The following ABCC4 variants were observed in gnomAD, a reference collection of about 807,000 sequenced individuals.
ABCC4 encodes the protein ATP binding cassette subfamily C member 4 (PEL blood group), also known as ATP-binding cassette sub-family C member 4.
A neutral mutation model predicts 168.5 loss-of-function variants in ABCC4; 102 were observed. That is an observed-to-expected ratio of 0.61 (90% CI 0.52 to 0.71). The LOEUF (loss-of-function observed/expected upper bound fraction) is 0.71. Ranked by LOEUF, ABCC4 falls within the 30% of genes least tolerant of loss-of-function variation. The probability of loss-of-function intolerance (pLI) is 0.00; values close to 1 mark genes in which losing one functional copy is unlikely to be tolerated. For synonymous variants in ABCC4, 617 were observed against 590.7 expected, an observed-to-expected ratio of 1.04 and a Z score of -0.65; for missense variants, 1,402 against 1,605.8, an observed-to-expected ratio of 0.87 and a Z score of 2.17.
chr13:95,216,003 A>G (rs960080861), intron 4 of ABCC4, among the ~76,000 whole-genome samples: 3 of 152,216 alleles, frequency 2.0e-5, no homozygotes, highest in Non-Finnish European at 2.9e-5. Context: ...CTCAGCAGCT[A>G]CCAGAATATA....
chr13:95,132,043 A>G (rs1337906787), intron 19 of ABCC4, among the ~76,000 whole-genome samples: 2 of 152,178 alleles, frequency 1.3e-5, no homozygotes, highest in Non-Finnish European at 2.9e-5. Flanking sequence ...AAAGGGCAGA[A>G]GCAACCCAAG....
intron 8 of ABCC4, among the ~76,000 whole-genome samples, 167 bp downstream of exon 8, chr13:95,206,365 C>T (rs1046792670): frequency 1.4e-4 from 21 of 152,146 alleles, no homozygotes; most frequent in African/African-American, 4.8e-4. Flanking sequence ...GTCTTTACCG[C>T]GCTCTATCTA....
chr13:95,278,532 C>T (rs529146296), intron 1 of ABCC4, among the ~76,000 whole-genome samples: 26 of 152,264 alleles, frequency 1.7e-4, no homozygotes, highest in Admixed American at 4.6e-4. Flanking sequence ...CGGTGGCTCA[C>T]GCCTATAATC....
At chr13:95,215,839 T>C (rs1325463675) in intron 4 of ABCC4, among the ~76,000 whole-genome samples, 1 of 152,214 alleles carries the variant, frequency 6.6e-6, no homozygotes, top group East Asian at 1.9e-4. Flanking sequence ...AGTAAACTTT[T>C]GGCTTTAAGG....
chr13:95,163,312 C>A, intron 17 of ABCC4, 96 bp from the exon 18 acceptor site: 1 of 829,918 alleles, frequency 1.2e-6, no homozygotes, highest in South Asian at 1.7e-5. Context: ...AGAAACGCTT[C>A]ATGCTGGAAA....
chr13:95,041,491 G>A (rs1247419212), intron 29 of ABCC4, among the ~76,000 whole-genome samples: 3 of 152,186 alleles, frequency 2.0e-5, no homozygotes, highest in Non-Finnish European at 2.9e-5. Flanking sequence ...TTACAGGACT[G>A]CATGATGACA....
chr13:95,147,288 G>A (rs1049684971), intron 19 of ABCC4, among the ~76,000 whole-genome samples: 1 of 152,140 alleles, frequency 6.6e-6, no homozygotes, highest in Non-Finnish European at 1.5e-5. Context: ...TTTATTAATG[G>A]TAATAGTGCA....
chr13:95,041,419 CTT>C (rs1319049602), intron 29 of ABCC4, among the ~76,000 whole-genome samples: 9 of 152,314 alleles, frequency 5.9e-5, no homozygotes, highest in Non-Finnish European at 1.3e-4. Context: ...ATCTATCCGT[CTT>C]TGTGGAGAAG....
intron 11 of ABCC4, among the ~76,000 whole-genome samples, chr13:95,179,421 C>G (rs181185124): frequency 6.6e-6 from 1 of 152,042 alleles, no homozygotes; most frequent in African/African-American, 2.4e-5. Context: ...ATGCAAGACC[C>G]CAAAAAACAA....
At chr13:95,072,690 A>G (rs1249823415) in intron 24 of ABCC4, among the ~76,000 whole-genome samples, 1 of 152,236 alleles carries the variant, frequency 6.6e-6, no homozygotes, top group East Asian at 1.9e-4. Flanking sequence ...ATACCCTTTG[A>G]CTAGCACATT....
At chr13:95,211,830 A>T (rs1002297208) in intron 4 of ABCC4, among the ~76,000 whole-genome samples, 4 of 152,182 alleles carry the variant, frequency 2.6e-5, no homozygotes, top group African/African-American at 9.7e-5. Context: ...AAGACTGTCA[A>T]CGAGGGCTAT....
At chr13:95,153,471 C>G (rs56131430) in intron 19 of ABCC4, among the ~76,000 whole-genome samples, 8,216 of 151,794 alleles carry the variant, frequency 0.054, 264 homozygotes, top group Middle Eastern at 0.14. Flanking sequence ...TCGAGAGAGA[C>G]AGAGAGAGAG....
intron 20 of ABCC4, among the ~76,000 whole-genome samples, chr13:95,109,350 G>A (rs2139395105): frequency 6.6e-6 from 1 of 151,776 alleles, no homozygotes; most frequent in African/African-American, 2.4e-5. Context: ...AAAGGATGAA[G>A]AATTAGAAGG....
intron 11 of ABCC4, among the ~76,000 whole-genome samples, chr13:95,181,398 T>C (rs60523321): frequency 0.14 from 21,919 of 152,264 alleles, 1,650 homozygotes; most frequent in Non-Finnish European, 0.17. Flanking sequence ...CTTCCTGTCA[T>C]AGCTTATCAA....
intron 25 of ABCC4, among the ~76,000 whole-genome samples, chr13:95,067,092 T>A (rs563423725): frequency 2.2e-4 from 33 of 152,250 alleles, no homozygotes; most frequent in African/African-American, 7.5e-4. Context: ...ACAGACCTAG[T>A]GTACTGTGGG....
chr13:95,035,750 T>G (rs1593981239), intron 29 of ABCC4, among the ~76,000 whole-genome samples: 1 of 152,202 alleles, frequency 6.6e-6, no homozygotes, highest in Admixed American at 6.5e-5. Flanking sequence ...TCTGAACAAT[T>G]GGCCCAAATG....
chr13:95,064,105 A>G (rs1469729265), intron 25 of ABCC4, among the ~76,000 whole-genome samples: 1 of 152,116 alleles, frequency 6.6e-6, no homozygotes, highest in Non-Finnish European at 1.5e-5. Context: ...TTAAAGAGAT[A>G]CATGTACAAA....
At chr13:95,156,225 A>G (rs2036848972) in intron 19 of ABCC4, among the ~76,000 whole-genome samples, 2 of 152,226 alleles carry the variant, frequency 1.3e-5, no homozygotes, top group African/African-American at 2.4e-5. Flanking sequence ...AAAGACTTTC[A>G]TGTTTCAAAC....
intron 20 of ABCC4, among the ~76,000 whole-genome samples, chr13:95,111,943 G>A (rs1179516612): frequency 1.3e-5 from 2 of 152,104 alleles, no homozygotes; most frequent in Non-Finnish European, 2.9e-5. Context: ...AAACTCAATT[G>A]GAAACAGTTC....
Sources: allele counts gnomAD v4.1 joint callset (sites outside exome capture counted in the v4.1 genomes callset), GRCh38; gene constraint gnomAD v4.1.1; transcripts MANE v1.5; gene names NCBI Gene and HGNC (gene_info 2026-07-23, HGNC 2026-07-21).